ESRRG: variants seen among roughly 807,000 people sequenced by gnomAD.
The protein encoded by ESRRG is estrogen related receptor gamma, also known as estrogen-related receptor gamma.
ESRRG carries 13 observed loss-of-function variants against 44.0 expected under a neutral mutation model. The observed-to-expected ratio is 0.30, with a 90% CI of 0.19 to 0.47. The LOEUF (loss-of-function observed/expected upper bound fraction) is 0.47, where lower values mean the gene tolerates loss of function less well. ESRRG is among the 20% of genes least tolerant of loss of function. ESRRG has a pLI of 1.00. For synonymous variants in ESRRG, 215 were observed against 214.6 expected (o/e 1.00, Z -0.02); for missense variants, 395 against 580.6 (o/e 0.68, Z 3.29).
intron 1 of ESRRG, among the ~76,000 whole-genome samples, chr1:216,713,363 G>GAA (rs67579659): frequency 1.2e-4 from 16 of 130,194 alleles, no homozygotes; most frequent in South Asian, 7.9e-4. Context: ...TTCCTTTCTT[G>GAA]AAAAAAAAAA....
intron 5 of ESRRG, among the ~76,000 whole-genome samples, chr1:216,541,152 A>G (rs1167699831): frequency 6.6e-6 from 1 of 152,040 alleles, no homozygotes; most frequent in Non-Finnish European, 1.5e-5. Context: ...TGTACAGCAA[A>G]GGAGGTAATT....
chr1:216,662,215 C>T (rs768570857), intron 2 of ESRRG, among the ~76,000 whole-genome samples: 2 of 152,098 alleles, frequency 1.3e-5, no homozygotes, highest in South Asian at 2.1e-4. Flanking sequence ...TAATGGTTCT[C>T]AGCACAGAAG....
intron 1 of ESRRG, among the ~76,000 whole-genome samples, chr1:217,110,082 G>C (rs2092644226): frequency 2.0e-5 from 3 of 152,006 alleles, no homozygotes; most frequent in Non-Finnish European, 4.4e-5. Flanking sequence ...TCATCATCTG[G>C]AACACAGTCA....
intron 1 of ESRRG, among the ~76,000 whole-genome samples, chr1:217,011,356 A>T (rs2078584992): frequency 6.6e-6 from 1 of 152,218 alleles, no homozygotes; most frequent in Non-Finnish European, 1.5e-5. Flanking sequence ...ATTGGTGGAC[A>T]CTACAATGCT....
At position 216,677,290 on chromosome 1, in the gene ESRRG, A is replaced by T; in HGVS notation, c.258T>A (p.Pro86=). 1 of 1,614,138 alleles carries T rather than the reference A, an allele frequency of 6.2e-7. No individual in the cohort carries two copies. The highest frequency in any genetic ancestry group is 1.3e-5 in the African/African-American group (1 of 75,044). Residue 86 remains proline, a synonymous_variant, in exon 2 of 7, where the codon CCT becomes CCA. Coordinates refer to ENST00000408911, the MANE Select transcript of ESRRG (RefSeq NM_001438.4). ...CACTACCTCCCAGGATAGGAGCAGA[A>T]GGGTAGAGAGGTGGCGAGTCAAGTC... The part of the protein sequence containing the change: ...QNGLDSPPLY[P]SAPILGGSGP...
At chr1:216,937,487 T>A (rs1325041276) in intron 2 of ESRRG, among the ~76,000 whole-genome samples, 4 of 152,196 alleles carry the variant, frequency 2.6e-5, no homozygotes, top group Non-Finnish European at 4.4e-5. Context: ...TGTGAATAAA[T>A]GCGGGGAGTA....
At chr1:216,836,846 A>AAATTGGTTT (rs2095573075) in intron 2 of ESRRG, among the ~76,000 whole-genome samples, 1 of 152,162 alleles carries the variant, frequency 6.6e-6, no homozygotes, top group South Asian at 2.1e-4. Flanking sequence ...TAGATGGCTG[A>AAATTGGTTT]AATTGGTTTG....
chr1:216,591,465 A>G (rs1244756212), intron 3 of ESRRG, among the ~76,000 whole-genome samples: 3 of 152,216 alleles, frequency 2.0e-5, no homozygotes, highest in Admixed American at 2.0e-4. Flanking sequence ...GAACTGAAGT[A>G]CTGGATACCC....
At chr1:216,698,299 C>T (rs576443094) in intron 1 of ESRRG, among the ~76,000 whole-genome samples, 15 of 151,964 alleles carry the variant, frequency 9.9e-5, no homozygotes, top group African/African-American at 3.4e-4. Context: ...AGGTGGATCA[C>T]GAAGTCAGGA....
chr1:216,962,361 T>G (rs531955536), intron 1 of ESRRG, among the ~76,000 whole-genome samples: 1 of 152,298 alleles, frequency 6.6e-6, no homozygotes, highest in South Asian at 2.1e-4. Context: ...CTTCTCTGTC[T>G]TCATTCCAAG....
At chr1:216,524,200 G>A (rs1157181814) in intron 5 of ESRRG, among the ~76,000 whole-genome samples, 1 of 139,976 alleles carries the variant, frequency 7.1e-6, no homozygotes, top group Admixed American at 7.0e-5. Flanking sequence ...ACAGCTCAGG[G>A]GCTTGTAGGA....
chr1:216,870,883 C>T (rs2096250621), intron 2 of ESRRG, among the ~76,000 whole-genome samples: 1 of 151,356 alleles, frequency 6.6e-6, no homozygotes, highest in Admixed American at 6.6e-5. Flanking sequence ...TCATTTTTTT[C>T]TTTGTCAATC....
intron 2 of ESRRG, among the ~76,000 whole-genome samples, chr1:216,814,335 T>C (rs1431026492): frequency 6.6e-6 from 1 of 152,092 alleles, no homozygotes; most frequent in African/African-American, 2.4e-5. Context: ...CTACAGGGAG[T>C]TGAATTATAC....
chr1:216,520,746 A>C (rs1337025325), intron 5 of ESRRG, among the ~76,000 whole-genome samples: 1 of 152,186 alleles, frequency 6.6e-6, no homozygotes, highest in Non-Finnish European at 1.5e-5. Context: ...TACAGAAAGG[A>C]AGGACCATTT....
intron 1 of ESRRG, among the ~76,000 whole-genome samples, chr1:217,130,027 G>A (rs1467356373): frequency 6.6e-6 from 1 of 152,096 alleles, no homozygotes; most frequent in Non-Finnish European, 1.5e-5. Context: ...AGCAGAAGAA[G>A]CAAAAAGCTT....
At chr1:216,672,238 G>A (rs147660388) in intron 2 of ESRRG, among the ~76,000 whole-genome samples, 1 of 152,138 alleles carries the variant, frequency 6.6e-6, no homozygotes, top group Non-Finnish European at 1.5e-5. Flanking sequence ...TCAAAGTTTT[G>A]TAAAAAGTAT....
intron 2 of ESRRG, among the ~76,000 whole-genome samples, chr1:216,847,671 T>C (rs1332773912): frequency 6.6e-6 from 1 of 152,116 alleles, no homozygotes; most frequent in African/African-American, 2.4e-5. Context: ...AAACTGGGCA[T>C]GTCCAGGTCT....
chr1:216,571,926 T>C (rs1368181201), intron 3 of ESRRG, among the ~76,000 whole-genome samples: 2 of 152,146 alleles, frequency 1.3e-5, no homozygotes, highest in Admixed American at 6.5e-5. Context: ...CAAGTTTAGA[T>C]AGCGATTAAT....
rs376701865 is a variant in ESRRG at position 216,516,668 on chromosome 1, C to CACACACACACAG, written c.1132+2483_1132+2484insCTGTGTGTGTGT. On this transcript the variant is annotated intron_variant, in intron 6 of 6. Coordinates refer to ENST00000408911, the MANE Select transcript of ESRRG (RefSeq NM_001438.4). Reference sequence around the variant, plus strand: ...ACACACACACACACACACACACACACAGAGAGAGAGAGAGAAACGACAAAA... The same window carrying CACACACACACAG: ...ACACACACACACACACACACACACACACACACACACAGAGAGAGAGAGAGAGAAACGACAAAA... Among the ~76,000 whole-genome samples, 623 of 137,192 alleles carry CACACACACACAG rather than the reference C, an allele frequency of 4.5e-3. 2 individuals are homozygous for CACACACACACAG. The highest frequency in any genetic ancestry group is 0.017 in the East Asian group (80 of 4,814). The allele number at this position is 137,192 out of a possible 152,430, so 90.0% of individuals were successfully genotyped here.
Sources: gnomAD v4.1 joint callset for allele counts (sites outside exome capture counted in the v4.1 genomes callset) on GRCh38, gnomAD v4.1.1 for gene constraint, MANE v1.5 for transcripts, NCBI Gene and HGNC (gene_info 2026-07-23, HGNC 2026-07-21) for gene names.